Variants in PPP1R12A observed in about 807,000 individuals in gnomAD.
PPP1R12A encodes the protein myosin binding subunit.
Under a neutral mutation model 139.6 loss-of-function variants are expected in PPP1R12A, and 19 were observed. The observed-to-expected ratio is 0.14, with a 90% CI of 0.09 to 0.20. The LOEUF (loss-of-function observed/expected upper bound fraction) is 0.20. Among genes scored for constraint, PPP1R12A ranks in the 10% least tolerant of loss-of-function variants. PPP1R12A has a pLI of 1.00. For missense variants in PPP1R12A, 925 were observed against 1,211.5 expected (o/e 0.76, Z 3.51); for synonymous variants, 427 against 420.6 (o/e 1.02, Z -0.19).
chr12:79,779,189 C>CA, intron 23 of PPP1R12A: 1 of 653,148 alleles, frequency 1.5e-6, no homozygotes, highest in East Asian at 6.7e-5. Context: ...CAAAGAGTGA[C>CA]AGGCAAAGCC....
At chr12:79,833,112 A>G (rs995342490) in intron 3 of PPP1R12A, among the ~76,000 whole-genome samples, 23 of 152,146 alleles carry the variant, frequency 1.5e-4, no homozygotes, top group African/African-American at 5.3e-4. Context: ...TGAGGTGATA[A>G]AAGTGGAAAG....
intron 2 of PPP1R12A, among the ~76,000 whole-genome samples, chr12:79,849,900 G>A (rs1431337603): frequency 1.3e-5 from 2 of 152,004 alleles, no homozygotes; most frequent in Admixed American, 6.6e-5. Context: ...ATAGTTCATT[G>A]TAACCTTGAA....
intron 1 of PPP1R12A, among the ~76,000 whole-genome samples, chr12:79,924,422 G>A (rs1347816754): frequency 6.6e-6 from 1 of 152,080 alleles, no homozygotes; most frequent in Non-Finnish European, 1.5e-5. Flanking sequence ...AGAGCCAGCA[G>A]CATCACAACC....
intron 1 of PPP1R12A, among the ~76,000 whole-genome samples, chr12:79,912,322 T>C (rs1020622058): frequency 1.7e-4 from 26 of 152,240 alleles, no homozygotes; most frequent in African/African-American, 6.0e-4. Flanking sequence ...AAGAGGGTCT[T>C]GTTTTGCTAA....
chr12:79,889,404 C>T (rs1047733218), intron 1 of PPP1R12A, among the ~76,000 whole-genome samples: 1 of 152,156 alleles, frequency 6.6e-6, no homozygotes, highest in East Asian at 1.9e-4. Flanking sequence ...GAAAAGACAA[C>T]AAAATCCAGG....
chr12:79,826,394 A>G (rs1168411927), intron 5 of PPP1R12A, among the ~76,000 whole-genome samples: 1 of 127,196 alleles, frequency 7.9e-6, no homozygotes, highest in Non-Finnish European at 1.5e-5. Flanking sequence ...ACTGCTGTGC[A>G]GTGCCACAAC....
intron 1 of PPP1R12A, among the ~76,000 whole-genome samples, chr12:79,875,794 C>T (rs1454473868): frequency 6.6e-6 from 1 of 152,110 alleles, no homozygotes; most frequent in Non-Finnish European, 1.5e-5. Context: ...ATACATTTTG[C>T]TACACATAGA....
chr12:79,798,032 T>C (rs1872685577), intron 15 of PPP1R12A, among the ~76,000 whole-genome samples: 1 of 152,116 alleles, frequency 6.6e-6, no homozygotes, highest in Non-Finnish European at 1.5e-5. Flanking sequence ...AATGACATTT[T>C]CTTCATACTT....
chr12:79,912,607 T>C (rs929764094), intron 1 of PPP1R12A, among the ~76,000 whole-genome samples: 4 of 151,950 alleles, frequency 2.6e-5, no homozygotes, highest in Non-Finnish European at 1.5e-5. Context: ...GGTGGGAGGA[T>C]TGCTTGAGCT....
chr12:79,869,919 T>C (rs928416353), intron 2 of PPP1R12A, among the ~76,000 whole-genome samples: 2 of 149,860 alleles, frequency 1.3e-5, no homozygotes, highest in African/African-American at 4.9e-5. Context: ...TTATTATTAT[T>C]ATTATTATTA....
intron 1 of PPP1R12A, among the ~76,000 whole-genome samples, chr12:79,928,609 A>G (rs907745925): frequency 2.4e-4 from 36 of 152,220 alleles, no homozygotes; most frequent in Non-Finnish European, 4.4e-4. Context: ...AATGCTCTTT[A>G]AAAGTTATCC....
chr12:79,867,507 A>C (rs1447273545), intron 2 of PPP1R12A, among the ~76,000 whole-genome samples: 2 of 129,908 alleles, frequency 1.5e-5, no homozygotes, highest in Non-Finnish European at 3.4e-5. Flanking sequence ...CAAATGCATG[A>C]GCTCCTAATA....
At chr12:79,911,658 G>A (rs1418950334) in intron 1 of PPP1R12A, among the ~76,000 whole-genome samples, 2 of 151,818 alleles carry the variant, frequency 1.3e-5, no homozygotes, top group South Asian at 4.2e-4. Flanking sequence ...TTGTTTAATG[G>A]AGCATCTCCC....
intron 1 of PPP1R12A, among the ~76,000 whole-genome samples, chr12:79,896,084 A>G (rs1262396202): frequency 6.6e-6 from 1 of 152,128 alleles, no homozygotes; most frequent in Non-Finnish European, 1.5e-5. Flanking sequence ...AAGAAACAAA[A>G]GTAGGTGATT....
intron 2 of PPP1R12A, among the ~76,000 whole-genome samples, chr12:79,851,919 T>C (rs537619579): frequency 4.6e-5 from 7 of 152,326 alleles, no homozygotes; most frequent in South Asian, 2.1e-4. Flanking sequence ...CTATCATCCA[T>C]TGAAGTTTTT....
intron 1 of PPP1R12A, among the ~76,000 whole-genome samples, chr12:79,873,381 G>A (rs1298336450): frequency 6.6e-6 from 1 of 151,424 alleles, no homozygotes; most frequent in African/African-American, 2.4e-5. Flanking sequence ...TACACGTGAT[G>A]GTATAAAAGT....
chr12:79,934,507 C>A (rs765655475), intron 1 of PPP1R12A, among the ~76,000 whole-genome samples, 188 bp downstream of exon 1: 11 of 152,220 alleles, frequency 7.2e-5, no homozygotes, highest in Non-Finnish European at 8.8e-5. Flanking sequence ...TGAAGGGGGG[C>A]CTCAAGCCCA....
At chr12:79,892,209 G>A (rs774969829) in intron 1 of PPP1R12A, among the ~76,000 whole-genome samples, 4 of 152,010 alleles carry the variant, frequency 2.6e-5, no homozygotes, top group Non-Finnish European at 5.9e-5. Flanking sequence ...CTTCTTAAAT[G>A]TCATCAAGTA....
chr12:79,901,953 T>C (rs1351185553), intron 1 of PPP1R12A, among the ~76,000 whole-genome samples: 1 of 152,148 alleles, frequency 6.6e-6, no homozygotes, highest in Non-Finnish European at 1.5e-5. Context: ...ATGGAAAGAC[T>C]GTTCTATGCA....
Sources: allele counts gnomAD v4.1 joint callset (sites outside exome capture counted in the v4.1 genomes callset), GRCh38; gene constraint gnomAD v4.1.1; transcripts MANE v1.5; gene names NCBI Gene and HGNC (gene_info 2026-07-23, HGNC 2026-07-21).